Variants in PTPN9 observed in about 807,000 individuals in gnomAD.
PTPN9 encodes the protein protein tyrosine phosphatase non-receptor type 9.
In PTPN9, 26 loss-of-function variants were observed where a neutral mutation model predicts 69.8. The ratio of observed to expected loss-of-function variants is 0.37; its 90% confidence interval spans 0.27 to 0.52. The LOEUF is 0.52. Ranked by LOEUF, PTPN9 falls within the 20% of genes least tolerant of loss-of-function variation. The probability of loss-of-function intolerance (pLI) is 0.91; values close to 1 mark genes in which losing one functional copy is unlikely to be tolerated. For synonymous variants in PTPN9, 274 were observed against 272.5 expected (o/e 1.01, Z -0.05); for missense variants, 549 against 740.3 (o/e 0.74, Z 3.00).
chr15:75,522,252 C>T (rs2141319843), intron 4 of PTPN9, among the ~76,000 whole-genome samples: 1 of 152,288 alleles, frequency 6.6e-6, no homozygotes, highest in African/African-American at 2.4e-5. Context: ...ATTACCTTAG[C>T]AGGAAGAGAG....
At chr15:75,543,754 T>C (rs1301000213) in intron 1 of PTPN9, among the ~76,000 whole-genome samples, 1 of 152,168 alleles carries the variant, frequency 6.6e-6, no homozygotes, top group East Asian at 1.9e-4. Context: ...CAATAAAACA[T>C]ATTAGTTTTA....
At chr15:75,569,539 T>C (rs1021460579) in intron 1 of PTPN9, among the ~76,000 whole-genome samples, 9 of 151,742 alleles carry the variant, frequency 5.9e-5, no homozygotes, top group African/African-American at 2.2e-4. Context: ...ACCCCATCTC[T>C]ACAAAAAATA....
chr15:75,535,492 A>C (rs903285199), intron 1 of PTPN9, among the ~76,000 whole-genome samples: 8 of 152,160 alleles, frequency 5.3e-5, no homozygotes, highest in African/African-American at 1.9e-4. Context: ...AACTATGGAG[A>C]GGTCTCAATA....
chr15:75,515,280 T>A (rs2074863560), intron 5 of PTPN9, among the ~76,000 whole-genome samples: 1 of 151,216 alleles, frequency 6.6e-6, no homozygotes, highest in Non-Finnish European at 1.5e-5. Context: ...ACAAAAAAAT[T>A]AGCCGGGCGT....
chr15:75,531,121 C>T (rs1207928774), intron 1 of PTPN9, among the ~76,000 whole-genome samples: 2 of 151,142 alleles, frequency 1.3e-5, no homozygotes, highest in Non-Finnish European at 2.9e-5. Flanking sequence ...AACAGAGCAT[C>T]TGATTCATCC....
intron 10 of PTPN9, among the ~76,000 whole-genome samples, chr15:75,472,903 G>A (rs1020574065): frequency 8.6e-5 from 13 of 151,496 alleles, no homozygotes; most frequent in African/African-American, 9.7e-5. Flanking sequence ...AGCCAAGATC[G>A]TGCCACACTG....
At chr15:75,497,369 C>A (rs1423611694) in intron 7 of PTPN9, among the ~76,000 whole-genome samples, 1 of 151,850 alleles carries the variant, frequency 6.6e-6, no homozygotes, top group Non-Finnish European at 1.5e-5. Flanking sequence ...CCCCATACTT[C>A]TTGTCCCAGC....
intron 6 of PTPN9, among the ~76,000 whole-genome samples, chr15:75,507,429 A>G (rs1055354300): frequency 6.9e-6 from 1 of 144,116 alleles, no homozygotes; most frequent in Non-Finnish European, 1.5e-5. Flanking sequence ...CTCAGCGACA[A>G]CAGCAAAACT....
intron 1 of PTPN9, among the ~76,000 whole-genome samples, chr15:75,563,737 G>A (rs1355897230): frequency 2.0e-5 from 3 of 152,118 alleles, no homozygotes; most frequent in Non-Finnish European, 2.9e-5. Flanking sequence ...CTCATTGCAC[G>A]TAACAAGTCC....
At chr15:75,473,188 C>T (rs1475586490) in intron 10 of PTPN9, among the ~76,000 whole-genome samples, 1 of 152,108 alleles carries the variant, frequency 6.6e-6, no homozygotes, top group Non-Finnish European at 1.5e-5. Flanking sequence ...CTCCACCATA[C>T]CCGGGTTGTG....
At position 75,527,150 on chromosome 15, in the gene PTPN9, G is replaced by A; in HGVS notation, c.175C>T (p.Leu59Phe). Residue 59 changes from leucine (L) to phenylalanine (F), a missense_variant, in exon 2 of 13, where the codon CTC becomes TTC. Around this residue, in one of 3 missense-constraint regions of PTPN9, gnomAD observed 457 missense variants for 661.9 expected, o/e 0.69. Transcript: ENST00000618819. Reference protein sequence around the residue: ...KFLMARKFDVLRAIELFHSYR... With the variant: ...KFLMARKFDVFRAIELFHSYR... Reference sequence around the variant, plus strand: ...GAGTGGAACAATTCTATGGCACGGAGCACATCAAACTTCCTTGCCATGAGG... The same window carrying A: ...GAGTGGAACAATTCTATGGCACGGAACACATCAAACTTCCTTGCCATGAGG... 6.2e-7 allele frequency: 1 copy of A among 1,614,134 alleles called. No homozygotes were observed. Among genetic ancestry groups the A allele is most frequent in the African/African-American group, 1.3e-5 (1 of 75,034 alleles).
At chr15:75,537,149 C>T (rs549926255) in intron 1 of PTPN9, among the ~76,000 whole-genome samples, 11 of 149,756 alleles carry the variant, frequency 7.3e-5, no homozygotes, top group Admixed American at 5.3e-4. Context: ...GTCAGGAATT[C>T]GAGACCAGCC....
chr15:75,568,006 AAAAAG>A (rs2075133793), intron 1 of PTPN9, among the ~76,000 whole-genome samples: 1 of 151,934 alleles, frequency 6.6e-6, no homozygotes, highest in Admixed American at 6.6e-5. Context: ...AAAAAAAAAA[AAAAAG>A]AAAACAAAAA....
At chr15:75,551,517 G>A (rs2075056505) in intron 1 of PTPN9, among the ~76,000 whole-genome samples, 2 of 152,066 alleles carry the variant, frequency 1.3e-5, no homozygotes, top group Non-Finnish European at 2.9e-5. Context: ...GTGCCACAAA[G>A]CCCAGCTAAT....
intron 1 of PTPN9, among the ~76,000 whole-genome samples, chr15:75,578,222 T>A (rs2075182642): frequency 6.6e-6 from 1 of 152,162 alleles, no homozygotes; most frequent in African/African-American, 2.4e-5. Context: ...AAGAGGCTCC[T>A]CTGAAAATCT....
At chr15:75,572,358 G>A (rs1303654070) in intron 1 of PTPN9, among the ~76,000 whole-genome samples, 1 of 151,884 alleles carries the variant, frequency 6.6e-6, no homozygotes, top group Non-Finnish European at 1.5e-5. Context: ...TGACAATGAA[G>A]ATTAATACTT....
chr15:75,475,474 G>C (rs553700049), intron 9 of PTPN9, among the ~76,000 whole-genome samples: 16 of 152,208 alleles, frequency 1.1e-4, no homozygotes, highest in African/African-American at 3.4e-4. Flanking sequence ...AGCTACTCGG[G>C]AGCCTGAGTT....
rs1193903625 is a variant in PTPN9, at chr15:75,466,860, ATTG to A, written c.*1906_*1908del. 1 of 152,244 alleles carries A rather than the reference ATTG, an allele frequency of 6.6e-6. No homozygotes were observed. Among genetic ancestry groups the A allele is most frequent in the Non-Finnish European group, 1.5e-5 (1 of 68,072 alleles). The allele number at this position is 152,244 out of a possible 1,614,324, so 9.4% of individuals were successfully genotyped here. On this transcript the variant is annotated 3_prime_UTR_variant, in exon 13 of 13. Transcript: ENST00000618819. Reference sequence around the variant, plus strand: ...GGGAGAGAAGATAATATCTCACTGAATTGTTGTGAGGTTTGAATGAGGCAGGGT... The same window carrying A: ...GGGAGAGAAGATAATATCTCACTGAATTGTGAGGTTTGAATGAGGCAGGGT...
chr15:75,523,034 C>A, intron 4 of PTPN9, 87 bp downstream of exon 4: 1 of 1,484,564 alleles, frequency 6.7e-7, no homozygotes, highest in Non-Finnish European at 9.2e-7. Flanking sequence ...AGGAGAATGG[C>A]GAAGGCACTG....
Sources: gnomAD v4.1 joint callset for allele counts (sites outside exome capture counted in the v4.1 genomes callset) on GRCh38, gnomAD v4.1.1 for gene constraint, gnomAD v4.1.1 regional missense constraint, MANE v1.5 for transcripts, NCBI Gene and HGNC (gene_info 2026-07-23, HGNC 2026-07-21) for gene names.